Variants in CEP120 observed in about 807,000 individuals in gnomAD.
CEP120 encodes the protein centrosomal protein 120.
Under a neutral mutation model 126.5 loss-of-function variants are expected in CEP120, and 113 were observed. The ratio of observed to expected loss-of-function variants is 0.89; its 90% CI spans 0.77 to 1.04. CEP120 has a LOEUF of 1.04. CEP120 is among the 50% of genes least tolerant of loss of function. The pLI is 0.00. For missense variants in CEP120, 1,230 were observed against 1,155.7 expected, an observed-to-expected ratio of 1.06 and a Z score of -0.93; for synonymous variants, 400 against 394.3, an observed-to-expected ratio of 1.01 and a Z score of -0.17.
At chr5:123,376,389 CAG>C (rs1479763689) in intron 16 of CEP120, among the ~76,000 whole-genome samples, 2 of 151,940 alleles carry the variant, frequency 1.3e-5, no homozygotes, top group Non-Finnish European at 2.9e-5. Context: ...CAAGCACGGG[CAG>C]AGAGTACACA....
chr5:123,390,031 A>G lies in CEP120; in HGVS notation c.1148T>C (p.Val383Ala), dbSNP rs769660500. 9 of 1,614,008 alleles carry G rather than the reference A, an allele frequency of 5.6e-6. No individual in the cohort carries two copies. Among genetic ancestry groups the G allele is most frequent in the Non-Finnish European group, 6.8e-6 (8 of 1,179,876 alleles). The change falls in exon 8 of 20, where the codon GTG (valine) becomes GCG (alanine). Residue 383 changes from valine to alanine, a missense_variant. Transcript: ENST00000306467. ...KTLTGPKSPTVSPVPSHNQSP... is the reference protein window; with the variant it reads ...KTLTGPKSPTASPVPSHNQSP... Reference sequence around the variant, plus strand: ...CTGGTTGTGAGATGGAACAGGGGACACTGTTGGTGATTTTGGCCCAGTAAG... The same window carrying G: ...CTGGTTGTGAGATGGAACAGGGGACGCTGTTGGTGATTTTGGCCCAGTAAG...
intron 1 of CEP120, among the ~76,000 whole-genome samples, chr5:123,421,801 A>T (rs867445706): frequency 2.0e-5 from 3 of 152,208 alleles, no homozygotes; most frequent in African/African-American, 7.2e-5. Context: ...TTTCAGTCCT[A>T]TGTTTTTAAA....
chr5:123,388,270 G>T (rs1192141286), intron 9 of CEP120, 162 bp downstream of exon 9: 1 of 419,578 alleles, frequency 2.4e-6, no homozygotes, highest in Non-Finnish European at 4.2e-6. Flanking sequence ...TGCTACCCTT[G>T]TTTGAATTCA....
chr5:123,367,406 T>TTATA, intron 17 of CEP120, among the ~76,000 whole-genome samples: 1 of 151,734 alleles, frequency 6.6e-6, no homozygotes, highest in East Asian at 1.9e-4. Context: ...GAAGCTATAT[T>TTATA]TATATATATA....
intron 1 of CEP120, among the ~76,000 whole-genome samples, chr5:123,420,774 C>G (rs1217908603): frequency 6.6e-6 from 1 of 152,160 alleles, no homozygotes; most frequent in African/African-American, 2.4e-5. Flanking sequence ...GGCCCCTTAC[C>G]AAGGCACTCA....
At chr5:123,396,391 A>C (rs1033061051) in intron 5 of CEP120, among the ~76,000 whole-genome samples, 1 of 151,600 alleles carries the variant, frequency 6.6e-6, no homozygotes, top group Non-Finnish European at 1.5e-5. Flanking sequence ...TTTTTTATAG[A>C]GATAGTAAAC....
chr5:123,384,151 A>G (rs1221792766), intron 11 of CEP120, among the ~76,000 whole-genome samples: 3 of 152,134 alleles, frequency 2.0e-5, no homozygotes, highest in Non-Finnish European at 4.4e-5. Flanking sequence ...TGATTTTATT[A>G]TCTTCTACTT....
At position 123,418,512 on chromosome 5, in the gene CEP120, C is replaced by T. The variant is rs761732711; in HGVS notation, c.53G>A (p.Arg18Gln). 1.3e-5 allele frequency: 20 copies of T among 1,592,760 alleles called. No individual in the cohort carries two copies. Among genetic ancestry groups the T allele is most frequent in the Admixed American group, 1.7e-5 (1 of 58,322 alleles). The change falls in exon 2 of 20, where the codon CGG becomes CAG. Residue 18 changes from arginine (R) to glutamine (Q), a missense_variant. By Grantham distance (43) the Arg-to-Gln change is conservative. Transcript: ENST00000306467. The stretch of plus-strand genomic sequence containing the variant: ...ATGCTTTGGACGTTTGGGGAAATGC[C>T]GACCTGGAGAAACAGAATATATAGA... ...LLIVVSILEG[R>Q]HFPKRPKHML...
intron 16 of CEP120, among the ~76,000 whole-genome samples, chr5:123,375,773 G>C (rs1358993404): frequency 6.6e-6 from 1 of 152,034 alleles, no homozygotes; most frequent in African/African-American, 2.4e-5. Flanking sequence ...CATCATAATT[G>C]CCCACTTTTA....
rs760786764 is a variant in CEP120, at chr5:123,382,806, C to A, written c.1944G>T (p.Thr648=). 1 of 1,613,270 alleles carries A rather than the reference C, an allele frequency of 6.2e-7. No individual in the cohort carries two copies. The highest frequency in any genetic ancestry group is 1.3e-5 in the African/African-American group (1 of 74,878). The change falls in exon 13 of 20, where the codon ACG becomes ACT. Residue 648 remains threonine, a synonymous_variant. Coordinates refer to ENST00000306467, the MANE Select transcript of CEP120 (RefSeq NM_001375405.1). ...PSEIQTEPRE[T]LEYKAALELE... Reference sequence around the variant, plus strand: ...GCTCAAGTGCTGCTTTGTATTCTAACGTTTCACGAGGCTCTGTCTGGATCT... The same window carrying A: ...GCTCAAGTGCTGCTTTGTATTCTAAAGTTTCACGAGGCTCTGTCTGGATCT...
Position 123,346,516 on chromosome 5 carries a change from T to C in CEP120, c.*3A>G. On this transcript the variant is annotated 3_prime_UTR_variant, in exon 20 of 20. Transcript: ENST00000306467. ...AGTCTCTATAAAGCTTTTCCAAATG[T>C]TATTAATTACTGGCATTGCTTTTTG... 1 of 1,600,560 alleles carries C rather than the reference T, an allele frequency of 6.2e-7. No homozygotes were observed. The highest frequency in any genetic ancestry group is 8.5e-7 in the Non-Finnish European group (1 of 1,171,130).
chr5:123,395,708 T>A (rs6881175), intron 5 of CEP120, among the ~76,000 whole-genome samples: 4,220 of 143,522 alleles, frequency 0.029, 243 homozygotes, highest in African/African-American at 0.1. Flanking sequence ...TTGAGACAGA[T>A]TCTTGCACTG....
Position 123,393,331 on chromosome 5 carries a change from C to T in CEP120, c.779G>A (p.Arg260His), listed in dbSNP as rs189429890. The change falls in exon 6 of 20, where the codon CGT (arginine) becomes CAT (histidine). Residue 260 changes from arginine to histidine, a missense_variant. Coordinates refer to ENST00000306467, the MANE Select transcript of CEP120 (RefSeq NM_001375405.1). Reference protein sequence around the residue: ...VRIRSSVEILRVYLALQSKLQ... With the variant: ...VRIRSSVEILHVYLALQSKLQ... The stretch of plus-strand genomic sequence containing the variant: ...TTTAGACTGAAGAGCCAGGTAAACA[C>T]GAAGAATTTCTACACTGCTACGGAT... 4.8e-3 allele frequency: 7,819 copies of T among 1,614,142 alleles called. 27 individuals carry two copies. Among genetic ancestry groups the T allele is most frequent in the Non-Finnish European group, 6.0e-3 (7,069 of 1,180,008 alleles).
chr5:123,407,455 C>G (rs528956623), intron 4 of CEP120, among the ~76,000 whole-genome samples: 1 of 152,092 alleles, frequency 6.6e-6, no homozygotes, highest in Non-Finnish European at 1.5e-5. Flanking sequence ...TCAGACAGAA[C>G]AGACTTCAGA....
intron 4 of CEP120, among the ~76,000 whole-genome samples, chr5:123,404,545 G>C (rs565867042): frequency 6.8e-4 from 104 of 152,148 alleles, no homozygotes; most frequent in Non-Finnish European, 1.2e-3. Flanking sequence ...ATATATAAAG[G>C]TTGGGAAGAG....
In CEP120 at chr5:123,386,676, TAAAAAAAA is replaced by T; in HGVS notation, c.1431-17_1431-10del. On this transcript the variant is annotated splice_polypyrimidine_tract_variant and intron_variant, in intron 9 of 19. Transcript: ENST00000306467. ...AGAATGGATATGAGTACCTAGAATT[TAAAAAAAA>T]AAAAAAAAAAAAAAGCCTTAATGAT... 1.6e-6 allele frequency: 1 copy of T among 608,860 alleles called. No individual in the cohort carries two copies. Among genetic ancestry groups the T allele is most frequent in the Non-Finnish European group, 2.1e-6 (1 of 466,822 alleles). The allele number at this position is 608,860 out of a possible 1,614,324, so 37.7% of individuals were successfully genotyped here.
intron 4 of CEP120, among the ~76,000 whole-genome samples, chr5:123,407,490 A>T (rs1291179374): frequency 6.6e-5 from 10 of 152,240 alleles, no homozygotes; most frequent in Non-Finnish European, 1.2e-4. Context: ...CAGGGAAAGG[A>T]GGAATATTAC....
intron 17 of CEP120, among the ~76,000 whole-genome samples, chr5:123,371,405 A>G (rs946964141): frequency 1.3e-5 from 2 of 152,058 alleles, no homozygotes; most frequent in Non-Finnish European, 2.9e-5. Flanking sequence ...TAAAGCCATC[A>G]GATGTTGTGA....
chr5:123,381,552 T>A (rs954480006), intron 14 of CEP120, among the ~76,000 whole-genome samples: 1 of 152,144 alleles, frequency 6.6e-6, no homozygotes, highest in Non-Finnish European at 1.5e-5. Flanking sequence ...AAGCTTTTGC[T>A]TCAGGAATAA....
Sources: allele counts gnomAD v4.1 joint callset (sites outside exome capture counted in the v4.1 genomes callset), GRCh38; gene constraint gnomAD v4.1.1; transcripts MANE v1.5; gene names NCBI Gene and HGNC (gene_info 2026-07-23, HGNC 2026-07-21).